The following TSNAXIP1 variants were observed in gnomAD, a reference collection of about 807,000 sequenced individuals.
TSNAXIP1 encodes the protein translin associated factor X interacting protein 1.
In TSNAXIP1, 89 loss-of-function variants were observed where a neutral mutation model predicts 84.8. The ratio of observed to expected loss-of-function variants is 1.05; its 90% CI spans 0.88 to 1.25. TSNAXIP1 has a LOEUF of 1.25. Among genes scored for constraint, TSNAXIP1 ranks in the 50% most tolerant of loss-of-function variants. The probability of loss-of-function intolerance (pLI) is 0.00; values close to 1 mark genes in which losing one functional copy is unlikely to be tolerated. For missense variants in TSNAXIP1, 874 were observed against 887.6 expected (o/e 0.98, Z 0.20); for synonymous variants, 347 against 335.2 (o/e 1.04, Z -0.39).
rs2057403119 is a variant in TSNAXIP1, at chr16:67,825,902, T to C, written c.985-15T>C. 1 of 1,613,940 alleles carries C rather than the reference T, an allele frequency of 6.2e-7. No individual in the cohort carries two copies. The highest frequency in any genetic ancestry group is 8.5e-7 in the Non-Finnish European group (1 of 1,179,974). On this transcript the variant is annotated splice_polypyrimidine_tract_variant and intron_variant, in intron 8 of 15. Transcript: ENST00000561639. ...CTCACAGGTGGGGGGCCAGGGCCAA[T>C]GTCCTTGCCCACAGCTGGACACCCT...
chr16:67,806,948 G>A lies in TSNAXIP1; in HGVS notation c.-202G>A. On this transcript the variant is annotated 5_prime_UTR_variant, in exon 1 of 16. Coordinates refer to ENST00000561639, the MANE Select transcript of TSNAXIP1 (RefSeq NM_001288990.3). ...ATCGGCTGTAGTGGTTGACTCTCAG[G>A]GCACCCGCTGCCGGGTCCCAGTCCA... 1 of 787,284 alleles carries A rather than the reference G, an allele frequency of 1.3e-6. No homozygotes were observed. The allele number at this position is 787,284 out of a possible 1,614,324, so 48.8% of individuals were successfully genotyped here.
At chr16:67,812,742 G>A (rs1324577495) in intron 1 of TSNAXIP1, among the ~76,000 whole-genome samples, 1 of 151,870 alleles carries the variant, frequency 6.6e-6, no homozygotes, top group Admixed American at 6.6e-5. Context: ...GAGGCAGGCA[G>A]ATCACCTGAG....
At chr16:67,807,342 C>G in intron 1 of TSNAXIP1, 146 bp downstream of exon 1, 1 of 1,533,746 alleles carries the variant, frequency 6.5e-7, no homozygotes, top group Non-Finnish European at 8.7e-7. Flanking sequence ...TGGTTAGAAT[C>G]GGGCTGATTT....
chr16:67,819,093 C>G (rs2056825336), intron 2 of TSNAXIP1, among the ~76,000 whole-genome samples: 1 of 151,808 alleles, frequency 6.6e-6, no homozygotes, highest in African/African-American at 2.4e-5. Context: ...ATTGCTTGAA[C>G]TCAAGAGGCA....
intron 1 of TSNAXIP1, among the ~76,000 whole-genome samples, chr16:67,812,216 G>T (rs2056149911): frequency 1.3e-5 from 2 of 152,090 alleles, no homozygotes; most frequent in African/African-American, 4.8e-5. Context: ...TTCCACCTGA[G>T]CCTGCCTGCC....
At chr16:67,807,705 A>G (rs2055587439) in intron 1 of TSNAXIP1, 2 of 226,672 alleles carry the variant, frequency 8.8e-6, no homozygotes, top group South Asian at 9.2e-5. Context: ...CTGGTTTCGA[A>G]CTCCTAGACT....
intron 1 of TSNAXIP1, 144 bp downstream of exon 1, chr16:67,807,340 A>G: frequency 6.5e-7 from 1 of 1,533,788 alleles, no homozygotes; most frequent in Non-Finnish European, 8.7e-7. Flanking sequence ...AATGGTTAGA[A>G]TCGGGCTGAT....
intron 2 of TSNAXIP1, among the ~76,000 whole-genome samples, chr16:67,816,140 T>G (rs994235247): frequency 1.3e-5 from 2 of 151,846 alleles, no homozygotes; most frequent in Non-Finnish European, 2.9e-5. Flanking sequence ...TAATTTTTTT[T>G]GTATTTTTAG....
At chr16:67,824,480 G>C in intron 5 of TSNAXIP1, 103 bp from the exon 6 acceptor site, 1 of 1,080,068 alleles carries the variant, frequency 9.3e-7, no homozygotes, top group Non-Finnish European at 1.4e-6. Flanking sequence ...AGAGATTCTT[G>C]GGGTTTGCAA....
At chr16:67,807,244 TAG>T in intron 1 of TSNAXIP1, 48 bp downstream of exon 1, 1 of 1,535,790 alleles carries the variant, frequency 6.5e-7, no homozygotes, top group African/African-American at 1.4e-5. Context: ...TGAGTACTTC[TAG>T]AGAGGGAAAT....
intron 1 of TSNAXIP1, among the ~76,000 whole-genome samples, chr16:67,811,418 T>C (rs866945402): frequency 1.3e-5 from 2 of 150,676 alleles, no homozygotes; most frequent in East Asian, 3.9e-4. Flanking sequence ...AAGAACAGAG[T>C]TTGGAGAATT....
chr16:67,808,208 G>GAA (rs774491418), intron 1 of TSNAXIP1, among the ~76,000 whole-genome samples: 7 of 136,662 alleles, frequency 5.1e-5, no homozygotes, highest in Admixed American at 1.5e-4. Flanking sequence ...CCCAGTGGGG[G>GAA]AAAAAAAAAA....
rs747714006 is a variant in TSNAXIP1 at position 67,826,417 on chromosome 16, G to A, written c.1276-20G>A. 1.2e-6 allele frequency: 2 copies of A among 1,612,922 alleles called. No individual in the cohort carries two copies. Among genetic ancestry groups the A allele is most frequent in the Admixed American group, 1.7e-5 (1 of 60,002 alleles). On this transcript the variant is annotated intron_variant, in intron 10 of 15. Transcript: ENST00000561639. ...GGGCCACAGATGGGTCCAGAGATGA[G>A]CTGATATCCTCCCTCCTAGGGCTAT... is the stretch of plus-strand genomic sequence containing the variant.
At chr16:67,823,227 C>G (rs1182241486) in intron 4 of TSNAXIP1, among the ~76,000 whole-genome samples, 1 of 152,258 alleles carries the variant, frequency 6.6e-6, no homozygotes, top group South Asian at 2.1e-4. Flanking sequence ...CAGCCTCATG[C>G]TGGAATACTG....
rs201635033 is a variant in TSNAXIP1 at position 67,823,605 on chromosome 16, T to C, written c.388-21T>C. 4.9e-5 allele frequency: 79 copies of C among 1,605,766 alleles called. No individual in the cohort carries two copies. The African/African-American group carries it at 1.0e-3, about 21-fold the overall frequency. On this transcript the variant is annotated intron_variant, in intron 4 of 15. Coordinates refer to ENST00000561639, the MANE Select transcript of TSNAXIP1 (RefSeq NM_001288990.3). ...TTGGCAGCTGTGGGCTAGGAGATGA[T>C]GGGTTCCCTTTTCTTGCCAGCCTTA...
intron 5 of TSNAXIP1, 91 bp from the exon 6 acceptor site, chr16:67,824,492 C>T (rs1354556483): frequency 1.4e-5 from 18 of 1,270,966 alleles, no homozygotes; most frequent in Middle Eastern, 2.8e-4. Context: ...GGTTTGCAAG[C>T]GACATAGCCA....
intron 4 of TSNAXIP1, among the ~76,000 whole-genome samples, chr16:67,822,453 C>T (rs1303421807): frequency 1.3e-5 from 2 of 151,948 alleles, no homozygotes; most frequent in African/African-American, 2.4e-5. Flanking sequence ...CATCAGTGAA[C>T]GTAGCCTGAA....
At chr16:67,808,262 T>C (rs530735044) in intron 1 of TSNAXIP1, among the ~76,000 whole-genome samples, 1 of 150,920 alleles carries the variant, frequency 6.6e-6, no homozygotes, top group South Asian at 2.1e-4. Flanking sequence ...GTCTGCTGCC[T>C]TGACAGAGAA....
chr16:67,807,437 A>G, intron 1 of TSNAXIP1: 11 of 1,427,188 alleles, frequency 7.7e-6, no homozygotes, highest in African/African-American at 1.4e-5. Flanking sequence ...TGAATGTACT[A>G]TATGCCAAAT....
Sources: allele counts gnomAD v4.1 joint callset (sites outside exome capture counted in the v4.1 genomes callset), GRCh38; gene constraint gnomAD v4.1.1; transcripts MANE v1.5; gene names NCBI Gene and HGNC (gene_info 2026-07-23, HGNC 2026-07-21).